Variants in MPRIP observed in about 807,000 individuals in gnomAD.
MPRIP encodes myosin phosphatase Rho interacting protein.
A neutral mutation model predicts 234.9 loss-of-function variants in MPRIP; 59 were observed. The ratio of observed to expected loss-of-function variants is 0.25; its 90% CI spans 0.20 to 0.31. The LOEUF (loss-of-function observed/expected upper bound fraction) is 0.31, where lower values mean the gene tolerates loss of function less well. Ranked by LOEUF, MPRIP falls within the 10% of genes least tolerant of loss-of-function variation. The pLI is 1.00. For missense variants in MPRIP, 2,436 were observed against 3,071.0 expected, an observed-to-expected ratio of 0.79 and a Z score of 4.89; for synonymous variants, 1,144 against 1,263.9, an observed-to-expected ratio of 0.91 and a Z score of 2.01.
At chr17:17,150,546 G>A (rs1261125317) in intron 12 of MPRIP, among the ~76,000 whole-genome samples, 1 of 151,928 alleles carries the variant, frequency 6.6e-6, no homozygotes, top group African/African-American at 2.4e-5. Flanking sequence ...AAGGATGTGG[G>A]GTATGGGGAA....
intron 3 of MPRIP, among the ~76,000 whole-genome samples, chr17:17,108,313 G>GT (rs2090102964): frequency 6.6e-6 from 1 of 152,240 alleles, no homozygotes; most frequent in African/African-American, 2.4e-5. Context: ...GCAAAAAGCT[G>GT]TAAGTGACTT....
chr17:17,186,352 A>C lies in MPRIP; in HGVS notation c.*1458A>C, dbSNP rs1227341729. On this transcript the variant is annotated 3_prime_UTR_variant, in exon 24 of 24. Transcript: ENST00000651222. The stretch of plus-strand genomic sequence containing the variant: ...CAGTGGAGCTCTGGCCCCGCCCCCA[A>C]TGTGCAGAAGGGCCGGGAGCAAGGC... 6.6e-6 allele frequency: 1 copy of C among 152,164 alleles called. No individual in the cohort carries two copies. 9.4% of individuals were successfully genotyped at this position (152,164 alleles called of 1,614,324 possible).
chr17:17,149,375 C>T (rs1335588344), intron 11 of MPRIP, among the ~76,000 whole-genome samples: 1 of 151,962 alleles, frequency 6.6e-6, no homozygotes. Context: ...CATCTGTAGT[C>T]CCAGCTACTC....
At chr17:17,119,066 G>A (rs772751704) in intron 3 of MPRIP, among the ~76,000 whole-genome samples, 1 of 152,214 alleles carries the variant, frequency 6.6e-6, no homozygotes, top group Non-Finnish European at 1.5e-5. Flanking sequence ...CCCTGCTCCT[G>A]TGTTGTGCCT....
chr17:17,167,556 A>G lies in MPRIP; in HGVS notation c.5965A>G (p.Arg1989Gly). Residue 1989 changes from arginine to glycine, a missense_variant, in exon 16 of 24, where the codon AGG becomes GGG. This residue lies in a region of MPRIP where 1,998 missense variants were observed against 2,520.3 expected (regional missense o/e 0.79). Transcript: ENST00000651222. This position sits in a 1 kb window ranked among gnomAD's most constrained non-coding sequence, Gnocchi z 5.9. ...ASVRDRQDMERHHGEQIQTLE... is the reference protein window; with the variant it reads ...ASVRDRQDMEGHHGEQIQTLE... ...GGTCAGAGACAGGCAGGACATGGAGAGGCATCATGGTGAGCAGATACAGAC... is the reference window on the plus strand; with the variant it reads ...GGTCAGAGACAGGCAGGACATGGAGGGGCATCATGGTGAGCAGATACAGAC... 7.7e-7 allele frequency: 1 copy of G among 1,304,228 alleles called. No individual in the cohort carries two copies. The highest frequency in any genetic ancestry group is 1.0e-6 in the Non-Finnish European group (1 of 988,952). 80.8% of individuals were successfully genotyped at this position (1,304,228 alleles called of 1,614,324 possible).
At position 17,166,331 on chromosome 17, in the gene MPRIP, A is replaced by G. The variant is rs1401011258; in HGVS notation, c.4740A>G (p.Ala1580=). Residue 1580 remains alanine (A), a synonymous_variant, in exon 16 of 24, where the codon GCA becomes GCG. Transcript: ENST00000651222. The surrounding 1 kb of genome is among the most constrained non-coding windows in gnomAD (Gnocchi z 4.4). ...AGGCCTCGCTGATCAGCCAGATAGC[A>G]GATTCCCTGAAGAACACAACATCAG... ...ALEASLISQI[A]DSLKNTTSDV... The G allele has an allele frequency of 1.5e-6, 2 of 1,304,480 alleles. No individual in the cohort carries two copies. Among genetic ancestry groups the G allele is most frequent in the African/African-American group, 3.0e-5 (2 of 65,892 alleles). 80.8% of individuals were successfully genotyped at this position (1,304,480 alleles called of 1,614,324 possible).
At chr17:17,116,123 A>G (rs1445480315) in intron 3 of MPRIP, among the ~76,000 whole-genome samples, 4 of 152,222 alleles carry the variant, frequency 2.6e-5, no homozygotes, top group Non-Finnish European at 5.9e-5. Context: ...TCATTCAGAA[A>G]TGTTTACTGA....
In MPRIP at chr17:17,161,141, CT is replaced by C; in HGVS notation, c.2401-97del. ...GCTGAAATGTGGAGACTCCAAAACTCTTGGGCCACATGGAAGACCAGTGAAA... is the reference window on the plus strand; with the variant it reads ...GCTGAAATGTGGAGACTCCAAAACTCTGGGCCACATGGAAGACCAGTGAAA... On this transcript the variant is annotated intron_variant, in intron 14 of 23. Transcript: ENST00000651222. 3.8e-6 allele frequency: 3 copies of C among 785,674 alleles called. No homozygotes were observed. In the South Asian group the frequency reaches 6.2e-5, roughly 16 times the overall value. 48.7% of individuals were successfully genotyped at this position (785,674 alleles called of 1,614,324 possible). A position where few individuals can be genotyped will look rare whatever the true frequency, so the allele number is the denominator to read the frequency against.
intron 3 of MPRIP, among the ~76,000 whole-genome samples, chr17:17,095,929 G>T (rs2089828050): frequency 6.6e-6 from 1 of 152,056 alleles, no homozygotes; most frequent in African/African-American, 2.4e-5. Flanking sequence ...CCCACTCAAA[G>T]TTTACTTGAT....
chr17:17,083,610 C>G (rs985889815), intron 3 of MPRIP, among the ~76,000 whole-genome samples: 1 of 152,218 alleles, frequency 6.6e-6, no homozygotes, highest in African/African-American at 2.4e-5. Context: ...TTTTCTGCAG[C>G]TGACCGCCCA....
chr17:17,101,502 A>C (rs2089960209), intron 3 of MPRIP, among the ~76,000 whole-genome samples: 1 of 152,220 alleles, frequency 6.6e-6, no homozygotes. Context: ...CTCGGGAGGC[A>C]GAGGTTGCAG....
chr17:17,063,801 G>A (rs559813914), intron 1 of MPRIP, among the ~76,000 whole-genome samples: 2 of 152,346 alleles, frequency 1.3e-5, no homozygotes, highest in Admixed American at 6.5e-5. Flanking sequence ...TTGTGATGGG[G>A]TGGCTGTGTC....
At position 17,078,525 on chromosome 17, in the gene MPRIP, T is replaced by A. The variant is rs529388334; in HGVS notation, c.267+449T>A. ...CTGTAATTGGTTTTGCTTGTCTCAT[T>A]TGAGCTTGGCTTAGTTTTCCGAGCT... On this transcript the variant is annotated intron_variant, in intron 3 of 23. Coordinates refer to ENST00000651222, the MANE Select transcript of MPRIP (RefSeq NM_001364716.4). The surrounding 1 kb of genome is among the most constrained non-coding windows in gnomAD (Gnocchi z 4.3). Among the ~76,000 whole-genome samples, 2 of 152,314 alleles carry A rather than the reference T, an allele frequency of 1.3e-5. No individual in the cohort carries two copies. Among genetic ancestry groups the A allele is most frequent in the East Asian group, 3.9e-4 (2 of 5,182 alleles).
chr17:17,065,974 C>G (rs1457308076), intron 1 of MPRIP, among the ~76,000 whole-genome samples: 1 of 152,132 alleles, frequency 6.6e-6, no homozygotes, highest in African/African-American at 2.4e-5. Flanking sequence ...TATAGAGATA[C>G]AATTGATTTT....
Position 17,077,849 on chromosome 17 carries a change from C to G in MPRIP, c.202-162C>G, listed in dbSNP as rs2089371077. 1.2e-5 allele frequency: 8 copies of G among 656,572 alleles called. No individual in the cohort carries two copies. In the South Asian group the frequency reaches 1.3e-4, roughly 11 times the overall value. The allele number at this position is 656,572 out of a possible 1,614,324, so 40.7% of individuals were successfully genotyped here. A position where few individuals can be genotyped will look rare whatever the true frequency, so the allele number is the denominator to read the frequency against. ...CAGTCCTGGCTGATGAATCAACATT[C>G]TTGTGCCTCGGGTCCCTCTTTTCCT... On this transcript the variant is annotated intron_variant, in intron 2 of 23. Coordinates refer to ENST00000651222, the MANE Select transcript of MPRIP (RefSeq NM_001364716.4).
intron 1 of MPRIP, among the ~76,000 whole-genome samples, chr17:17,052,360 C>T (rs1262523017): frequency 1.3e-5 from 2 of 152,180 alleles, no homozygotes; most frequent in Admixed American, 6.5e-5. Context: ...ACAGCTGTTT[C>T]CTGGACTTCT....
chr17:17,085,051 T>C (rs2089554856), intron 3 of MPRIP, among the ~76,000 whole-genome samples: 1 of 152,184 alleles, frequency 6.6e-6, no homozygotes, highest in African/African-American at 2.4e-5. Flanking sequence ...AAATCTGTCA[T>C]GTTTCAGCCT....
intron 5 of MPRIP, among the ~76,000 whole-genome samples, chr17:17,134,482 T>C (rs1487018351): frequency 6.6e-6 from 1 of 152,208 alleles, no homozygotes; most frequent in African/African-American, 2.4e-5. Flanking sequence ...AAACCTTCAC[T>C]GTTTGCTTCC....
intron 1 of MPRIP, among the ~76,000 whole-genome samples, chr17:17,074,102 C>G (rs2089268750): frequency 6.6e-6 from 1 of 152,228 alleles, no homozygotes; most frequent in African/African-American, 2.4e-5. Context: ...TCACGGTCTG[C>G]AGCTACCAAA....
Sources: gnomAD v4.1 joint callset for allele counts (sites outside exome capture counted in the v4.1 genomes callset) on GRCh38, gnomAD v4.1.1 for gene constraint, gnomAD v4.1.1 regional missense constraint, Gnocchi (gnomAD v3.1) non-coding constraint, MANE v1.5 for transcripts, NCBI Gene and HGNC (gene_info 2026-07-23, HGNC 2026-07-21) for gene names.